The following PHKB variants were observed in gnomAD, a reference collection of about 807,000 sequenced individuals.
PHKB encodes the protein phosphorylase b kinase regulatory subunit beta.
PHKB carries 122 observed loss-of-function variants against 152.1 expected under a neutral mutation model. The observed-to-expected ratio is 0.80, with a 90% CI of 0.69 to 0.93. The LOEUF (loss-of-function observed/expected upper bound fraction) is 0.93. Ranked by LOEUF, PHKB falls within the 40% of genes least tolerant of loss-of-function variation. The probability of loss-of-function intolerance (pLI) is 0.00; values close to 1 mark genes in which losing one functional copy is unlikely to be tolerated. For missense variants in PHKB, 1,304 were observed against 1,328.4 expected (o/e 0.98, Z 0.29); for synonymous variants, 436 against 464.9 (o/e 0.94, Z 0.80).
intron 4 of PHKB, among the ~76,000 whole-genome samples, chr16:47,506,455 G>T (rs1471112624): frequency 6.6e-6 from 1 of 152,178 alleles, no homozygotes; most frequent in Admixed American, 6.5e-5. Context: ...GTATGTCACA[G>T]ATTGACATAC....
chr16:47,574,247 C>T lies in PHKB; in HGVS notation c.711-6048C>T, dbSNP rs117280479. ...CTCCTTGTGGCTCACCAAATCAGCA[C>T]CAGTGCTTGGTAGGGTTGAGACATT... is the stretch of plus-strand genomic sequence containing the variant. On this transcript the variant is annotated intron_variant, in intron 7 of 30. Transcript: ENST00000323584. Among the ~76,000 whole-genome samples, 6 of 152,280 alleles carry T rather than the reference C, an allele frequency of 3.9e-5. No individual in the cohort carries two copies. The East Asian group carries it at 1.2e-3, about 29-fold the overall frequency.
chr16:47,486,447 T>C (rs560809636), intron 1 of PHKB, among the ~76,000 whole-genome samples: 2 of 152,342 alleles, frequency 1.3e-5, no homozygotes, highest in African/African-American at 4.8e-5. Context: ...TGAAAATATA[T>C]TGTATCTTGT....
At chr16:47,485,511 GTA>G (rs1396174235) in intron 1 of PHKB, among the ~76,000 whole-genome samples, 4 of 152,188 alleles carry the variant, frequency 2.6e-5, no homozygotes, top group African/African-American at 9.7e-5. Flanking sequence ...AGGAGATAGG[GTA>G]GTCTGTGAGA....
chr16:47,554,113 G>A (rs1359447307), intron 7 of PHKB, among the ~76,000 whole-genome samples: 1 of 152,184 alleles, frequency 6.6e-6, no homozygotes, highest in Non-Finnish European at 1.5e-5. Context: ...GTCTGCTGAA[G>A]CTGCGCCCAC....
chr16:47,699,450 T>A lies in PHKB; in HGVS notation c.*84T>A. On this transcript the variant is annotated 3_prime_UTR_variant, in exon 31 of 31. Transcript: ENST00000323584. ...GTTCAAGCTTAATCAAGGCAGCCATTAATATACGAACTGAGCATGCTGGGG... is the reference window on the plus strand; with the variant it reads ...GTTCAAGCTTAATCAAGGCAGCCATAAATATACGAACTGAGCATGCTGGGG... 1 of 1,507,652 alleles carries A rather than the reference T, an allele frequency of 6.6e-7. No homozygotes were observed. The highest frequency in any genetic ancestry group is 9.2e-7 in the Non-Finnish European group (1 of 1,083,196). 93.4% of individuals were successfully genotyped at this position (1,507,652 alleles called of 1,614,324 possible). A position where few individuals can be genotyped will look rare whatever the true frequency, so the allele number is the denominator to read the frequency against.
At chr16:47,597,013 AT>A (rs1972132325) in intron 13 of PHKB, among the ~76,000 whole-genome samples, 1 of 152,062 alleles carries the variant, frequency 6.6e-6, no homozygotes, top group Non-Finnish European at 1.5e-5. Flanking sequence ...TTGAAGAATT[AT>A]TTTTCATCTT....
In PHKB at chr16:47,481,521, A is replaced by G. The variant is rs187490021; in HGVS notation, c.77-15878A>G. Among the ~76,000 whole-genome samples the G allele has an allele frequency of 2.6e-5, 4 of 152,352 alleles. No homozygotes were observed. In the East Asian group the frequency reaches 5.8e-4, roughly 22 times the overall value. The stretch of plus-strand genomic sequence containing the variant: ...TTAATTTGCTGATTTAAAAATCATT[A>G]TGTGGGTCATCCATTCTTGGATTGA... On this transcript the variant is annotated intron_variant, in intron 1 of 30. Transcript: ENST00000323584.
intron 7 of PHKB, chr16:47,565,599 C>T (rs1445029823): frequency 1.4e-5 from 15 of 1,059,414 alleles, no homozygotes; most frequent in South Asian, 2.5e-5. Context: ...CACTCTCCCT[C>T]GTGCATTTCT....
chr16:47,671,717 A>G (rs1344364927), intron 26 of PHKB, among the ~76,000 whole-genome samples: 3 of 152,318 alleles, frequency 2.0e-5, no homozygotes, highest in Admixed American at 2.0e-4. Context: ...TCACACAAGT[A>G]CCATAAAGAT....
chr16:47,609,244 TA>T (rs925480511), intron 13 of PHKB, among the ~76,000 whole-genome samples: 3 of 152,176 alleles, frequency 2.0e-5, no homozygotes, highest in Non-Finnish European at 4.4e-5. Flanking sequence ...ATTTGTGGGA[TA>T]GATTCTACTT....
At chr16:47,582,160 C>G (rs192349511) in intron 8 of PHKB, among the ~76,000 whole-genome samples, 1 of 152,168 alleles carries the variant, frequency 6.6e-6, no homozygotes, top group Non-Finnish European at 1.5e-5. Flanking sequence ...CTGTGACATA[C>G]CAAATACTGA....
chr16:47,506,802 A>G (rs982451343), intron 4 of PHKB, among the ~76,000 whole-genome samples: 1 of 152,350 alleles, frequency 6.6e-6, no homozygotes, highest in African/African-American at 2.4e-5. Flanking sequence ...AACACCAACC[A>G]TAGCTGATGA....
intron 5 of PHKB, 116 bp downstream of exon 5, chr16:47,511,888 G>A: frequency 1.4e-6 from 1 of 722,206 alleles, no homozygotes; most frequent in Non-Finnish European, 2.5e-6. Flanking sequence ...CACGGATGGG[G>A]TAGGGGCTAG....
intron 7 of PHKB, among the ~76,000 whole-genome samples, chr16:47,554,670 G>T (rs974827132): frequency 6.6e-6 from 1 of 152,154 alleles, no homozygotes; most frequent in Admixed American, 6.5e-5. Flanking sequence ...GAATCTCCTG[G>T]TCTGTGTGTT....
intron 8 of PHKB, among the ~76,000 whole-genome samples, chr16:47,581,525 T>TTACCTCAGCTGTACTCA: frequency 6.7e-6 from 1 of 148,612 alleles, no homozygotes; most frequent in Middle Eastern, 3.5e-3. Context: ...TGAGTATGGC[T>TTACCTCAGCTGTACTCA]ATTTAACTAA....
intron 6 of PHKB, among the ~76,000 whole-genome samples, chr16:47,536,538 C>G (rs1054334370): frequency 6.6e-6 from 1 of 152,154 alleles, no homozygotes; most frequent in Admixed American, 6.5e-5. Flanking sequence ...GATTTCAAAA[C>G]TTGCTGGATT....
At chr16:47,527,484 GA>G (rs1023443018) in intron 6 of PHKB, among the ~76,000 whole-genome samples, 1 of 152,048 alleles carries the variant, frequency 6.6e-6, no homozygotes, top group African/African-American at 2.4e-5. Flanking sequence ...TATTCACAAT[GA>G]AAAGGAGAAC....
chr16:47,582,515 G>A (rs1250838786), intron 8 of PHKB, among the ~76,000 whole-genome samples: 1 of 152,068 alleles, frequency 6.6e-6, no homozygotes, highest in East Asian at 1.9e-4. Context: ...CTATGCATTG[G>A]AATCATTTGA....
chr16:47,499,830 A>T lies in PHKB; in HGVS notation c.241A>T (p.Lys81Ter). 6.2e-7 allele frequency: 1 copy of T among 1,614,202 alleles called. No homozygotes were observed. The highest frequency in any genetic ancestry group is 8.5e-7 in the Non-Finnish European group (1 of 1,180,026). The change falls in exon 3 of 31, where the codon AAG becomes TAG. Residue 81 changes from lysine to a stop codon, truncating the protein, a stop_gained. Coordinates refer to ENST00000323584, the MANE Select transcript of PHKB (RefSeq NM_000293.3). LOFTEE classifies it high-confidence loss of function. ...CACTAAAACATGCGGTGGTGACCAG[A>T]AGGCCAAGATCCAGGACAGCCTATA... is the stretch of plus-strand genomic sequence containing the variant. ...FPTKTCGGDQKAKIQDSLYCA... is the reference protein window; with the variant it reads ...FPTKTCGGDQ
Sources: gnomAD v4.1 joint callset for allele counts (sites outside exome capture counted in the v4.1 genomes callset) on GRCh38, gnomAD v4.1.1 for gene constraint, MANE v1.5 for transcripts, NCBI Gene and HGNC (gene_info 2026-07-23, HGNC 2026-07-21) for gene names.